Variants in PCM1 observed in about 807,000 individuals in gnomAD.
PCM1 encodes pericentriolar material 1.
PCM1 carries 157 observed loss-of-function variants against 241.9 expected under a neutral mutation model. The ratio of observed to expected loss-of-function variants is 0.65; its 90% CI spans 0.57 to 0.74. PCM1 has a LOEUF of 0.74. Among genes scored for constraint, PCM1 ranks in the 30% least tolerant of loss-of-function variants. The pLI is 0.00. For synonymous variants in PCM1, 1,085 were observed against 784.9 expected (o/e 1.38, Z -6.39); for missense variants, 3,478 against 2,360.1 (o/e 1.47, Z -9.81).
At chr8:18,006,434 C>T (rs745428902) in intron 30 of PCM1, 37 bp downstream of exon 30, 1 of 1,498,636 alleles carries the variant, frequency 6.7e-7, no homozygotes, top group Admixed American at 1.7e-5. Context: ...CCAATATGTA[C>T]TGTGTGGTAA....
At chr8:18,026,642 A>C (rs1346257601) in intron 38 of PCM1, among the ~76,000 whole-genome samples, 1 of 152,126 alleles carries the variant, frequency 6.6e-6, no homozygotes, top group Admixed American at 6.6e-5. Flanking sequence ...TTTAAGATGC[A>C]GATAATACCT....
rs71502539 is a variant in PCM1, at chr8:18,018,862, A to G, written c.5841+4022A>G. Among the ~76,000 whole-genome samples, 10 of 61,674 alleles carry G rather than the reference A, an allele frequency of 1.6e-4. 1 individual carries two copies. The highest frequency in any genetic ancestry group is 6.1e-4 in the African/African-American group (10 of 16,274). 40.5% of individuals were successfully genotyped at this position (61,674 alleles called of 152,430 possible). A position where few individuals can be genotyped will look rare whatever the true frequency, so the allele number is the denominator to read the frequency against. On this transcript the variant is annotated intron_variant, in intron 36 of 38. Transcript: ENST00000325083. Reference sequence around the variant, plus strand: ...TATGTGTGTGTGTGTGTATATATATATATATATATATATATATACACACAC... The same window carrying G: ...TATGTGTGTGTGTGTGTATATATATGTATATATATATATATATACACACAC...
chr8:17,978,831 A>G (rs138537660), intron 23 of PCM1, among the ~76,000 whole-genome samples: 84 of 152,354 alleles, frequency 5.5e-4, no homozygotes, highest in African/African-American at 1.9e-3. Flanking sequence ...CTGCCATTGT[A>G]TCAAAAGAAT....
At chr8:17,938,475 A>G (rs1301744035) in intron 4 of PCM1, among the ~76,000 whole-genome samples, 1 of 152,184 alleles carries the variant, frequency 6.6e-6, no homozygotes, top group Admixed American at 6.5e-5. Context: ...AGGGGTACTC[A>G]AGCTGTACTT....
chr8:17,972,292 AGTT>A, intron 22 of PCM1, 34 bp from the exon 23 acceptor site: 1 of 1,206,294 alleles, frequency 8.3e-7, no homozygotes, highest in Non-Finnish European at 1.1e-6. Context: ...TGTAAACTAT[AGTT>A]GTTAACTTAT....
chr8:17,924,602 T>A (rs1333008969), intron 1 of PCM1, 111 bp from the exon 2 acceptor site: 1 of 152,254 alleles, frequency 6.6e-6, no homozygotes, highest in Non-Finnish European at 1.5e-5. Flanking sequence ...ATTTTTCCCC[T>A]TCTTTTGATC....
intron 17 of PCM1, 62 bp downstream of exon 17, chr8:17,963,353 C>T (rs1319768420): frequency 1.6e-6 from 2 of 1,250,222 alleles, no homozygotes; most frequent in Non-Finnish European, 2.2e-6. Context: ...GACCTGTAGG[C>T]TAGGCAGCCA....
chr8:17,985,681 G>T, intron 25 of PCM1, 62 bp downstream of exon 25: 1 of 1,292,274 alleles, frequency 7.7e-7, no homozygotes. Flanking sequence ...ATTATCTCTG[G>T]TTGCTGTCTT....
Position 17,939,827 on chromosome 8 carries a change from A to T in PCM1, c.749A>T (p.Glu250Val). 6.6e-7 allele frequency: 1 copy of T among 1,518,710 alleles called. No individual in the cohort carries two copies. The highest frequency in any genetic ancestry group is 8.9e-7 in the Non-Finnish European group (1 of 1,122,622). 94.1% of individuals were successfully genotyped at this position (1,518,710 alleles called of 1,614,324 possible). A position where few individuals can be genotyped will look rare whatever the true frequency, so the allele number is the denominator to read the frequency against. ...THLIDHLKEQ[E>V]KSYMKFLKKI... The stretch of plus-strand genomic sequence containing the variant: ...CTAATAGATCACCTTAAAGAACAAG[A>T]GAAGTCATATATGAAATTTCTTAAA... Residue 250 changes from glutamate (E) to valine (V), a missense_variant, in exon 6 of 39, where the codon GAG becomes GTG. Transcript: ENST00000325083.
chr8:17,947,338 A>T lies in PCM1; in HGVS notation c.936A>T (p.Gln312His). 1.9e-6 allele frequency: 3 copies of T among 1,600,560 alleles called. No homozygotes were observed. Among genetic ancestry groups the T allele is most frequent in the Non-Finnish European group, 2.6e-6 (3 of 1,174,722 alleles). Residue 312 changes from glutamine to histidine, a missense_variant, in exon 7 of 39, where the codon CAA (glutamine) becomes CAT (histidine). Coordinates refer to ENST00000325083, the MANE Select transcript of PCM1 (RefSeq NM_006197.4). ...TAGCTCTGCAACATAAAGCAGAGCA[A>T]GCTATTGCAGTGATGGATGATTCTG... ...ALLALQHKAEQAIAVMDDSVV... is the reference protein window; with the variant it reads ...ALLALQHKAEHAIAVMDDSVV...
intron 9 of PCM1, among the ~76,000 whole-genome samples, chr8:17,954,450 A>G (rs921205340): frequency 2.6e-5 from 4 of 152,022 alleles, no homozygotes; most frequent in African/African-American, 7.2e-5. Context: ...AAAGAAAAGA[A>G]AAAAACAACT....
Position 17,993,608 on chromosome 8 carries a change from C to A in PCM1, c.4816C>A (p.Pro1606Thr). The A allele has an allele frequency of 1.3e-6, 2 of 1,582,814 alleles. No homozygotes were observed. Among genetic ancestry groups the A allele is most frequent in the Non-Finnish European group, 1.7e-6 (2 of 1,163,870 alleles). ...QIKAIMKEVI[P>T]FLKEHMDEVC... ...TAAAGCAATTATGAAAGAAGTCATT[C>A]CTTTTTTGAAGGTAAGCAATTATTT... The change falls in exon 29 of 39, where the codon CCT (proline) becomes ACT (threonine). Residue 1606 changes from proline (P) to threonine (T), a missense_variant. Transcript: ENST00000325083.
intron 29 of PCM1, among the ~76,000 whole-genome samples, chr8:18,004,771 A>G (rs996690006): frequency 2.0e-5 from 3 of 152,172 alleles, no homozygotes; most frequent in Admixed American, 6.5e-5. Context: ...AGAGTCATCA[A>G]TTTGACTTCA....
chr8:17,938,356 G>A (rs1214969283), intron 4 of PCM1, among the ~76,000 whole-genome samples: 4 of 152,056 alleles, frequency 2.6e-5, no homozygotes, highest in Non-Finnish European at 5.9e-5. Context: ...TGAATTTTAT[G>A]TTTAGACTCC....
intron 17 of PCM1, 151 bp from the exon 18 acceptor site, chr8:17,964,417 G>A (rs942873836): frequency 1.7e-6 from 1 of 580,346 alleles, no homozygotes; most frequent in Non-Finnish European, 3.0e-6. Context: ...AATAGGGAGA[G>A]TGCCACCCGT....
At chr8:18,026,871 G>T (rs1409421596) in intron 38 of PCM1, among the ~76,000 whole-genome samples, 1 of 151,892 alleles carries the variant, frequency 6.6e-6, no homozygotes, top group African/African-American at 2.4e-5. Flanking sequence ...CATTACTAAG[G>T]CTATTATATA....
At chr8:17,943,475 T>C (rs527289556) in intron 6 of PCM1, among the ~76,000 whole-genome samples, 1 of 152,320 alleles carries the variant, frequency 6.6e-6, no homozygotes, top group Non-Finnish European at 1.5e-5. Flanking sequence ...TTCTGAATAG[T>C]GACAAGCGAA....
At chr8:17,958,471 ATAAC>A (rs1376516405) in intron 13 of PCM1, among the ~76,000 whole-genome samples, 2 of 152,164 alleles carry the variant, frequency 1.3e-5, no homozygotes, top group East Asian at 3.8e-4. Flanking sequence ...TTATAGTTAC[ATAAC>A]TATTAACACA....
intron 17 of PCM1, 25 bp downstream of exon 17, chr8:17,963,316 T>A: frequency 6.5e-7 from 1 of 1,543,776 alleles, no homozygotes; most frequent in Non-Finnish European, 8.7e-7. Flanking sequence ...TAAATCACTT[T>A]TCTAAAAATG....
Sources: gnomAD v4.1 joint callset for allele counts (sites outside exome capture counted in the v4.1 genomes callset) on GRCh38, gnomAD v4.1.1 for gene constraint, MANE v1.5 for transcripts, NCBI Gene and HGNC (gene_info 2026-07-23, HGNC 2026-07-21) for gene names.